The following IMMP2L variants were observed in gnomAD, a reference collection of about 807,000 sequenced individuals.
IMMP2L encodes the protein mitochondrial inner membrane protease subunit 2.
In IMMP2L, 18 loss-of-function variants were observed where a neutral mutation model predicts 19.3. The ratio of observed to expected loss-of-function variants is 0.93; its 90% CI spans 0.64 to 1.38. The LOEUF is 1.38. Ranked by LOEUF, IMMP2L falls within the 40% of genes most tolerant of loss-of-function variation. The probability of loss-of-function intolerance (pLI) is 0.00; values close to 1 mark genes in which losing one functional copy is unlikely to be tolerated. For synonymous variants in IMMP2L, 76 were observed against 73.0 expected (o/e 1.04, Z -0.21); for missense variants, 233 against 218.2 (o/e 1.07, Z -0.43).
Position 111,226,320 on chromosome 7 carries a change from C to G in IMMP2L, c.239+260918G>C, listed in dbSNP as rs555238594. On this transcript the variant is annotated intron_variant, in intron 3 of 5. Transcript: ENST00000405709. ...AGCCATGTGCCACCATGCCCAGCTACATTTTATTTTACTATTTTATTTTTT... is the reference window on the plus strand; with the variant it reads ...AGCCATGTGCCACCATGCCCAGCTAGATTTTATTTTACTATTTTATTTTTT... Among the ~76,000 whole-genome samples the G allele has an allele frequency of 1.6e-4, 24 of 151,774 alleles. No homozygotes were observed. In the South Asian group the frequency reaches 5.0e-3, roughly 32 times the overall value.
intron 3 of IMMP2L, among the ~76,000 whole-genome samples, chr7:110,971,142 T>A (rs1820099033): frequency 6.6e-6 from 1 of 152,094 alleles, no homozygotes; most frequent in South Asian, 2.1e-4. Flanking sequence ...ATATTAGAAG[T>A]ACCTGTAGCC....
rs115348086 is a variant in IMMP2L, at chr7:111,131,322, C to T, written c.240-167757G>A. On this transcript the variant is annotated intron_variant, in intron 3 of 5. Transcript: ENST00000405709. ...TGTGTGCCACAGTCCAGGCTCAGTCCTAAAGTGACAGTGCAACGCTTGAGA... is the reference window on the plus strand; with the variant it reads ...TGTGTGCCACAGTCCAGGCTCAGTCTTAAAGTGACAGTGCAACGCTTGAGA... Among the ~76,000 whole-genome samples, 524 of 151,946 alleles carry T rather than the reference C, an allele frequency of 3.4e-3. 3 individuals are homozygous for T. Among genetic ancestry groups the T allele is most frequent in the African/African-American group, 0.011 (473 of 41,500 alleles).
chr7:111,509,965 T>A (rs1412327956), intron 2 of IMMP2L, among the ~76,000 whole-genome samples: 1 of 152,174 alleles, frequency 6.6e-6, no homozygotes, highest in Non-Finnish European at 1.5e-5. Flanking sequence ...TATGGTCCCC[T>A]TTCTTTTAGA....
At chr7:111,053,632 T>TG (rs1383621726) in intron 3 of IMMP2L, among the ~76,000 whole-genome samples, 2 of 152,142 alleles carry the variant, frequency 1.3e-5, no homozygotes, top group Admixed American at 1.3e-4. Context: ...TTCCTGGTGG[T>TG]GGGGGCTGAG....
intron 4 of IMMP2L, among the ~76,000 whole-genome samples, chr7:110,900,459 T>C (rs1811746790): frequency 6.6e-6 from 1 of 152,200 alleles, no homozygotes; most frequent in African/African-American, 2.4e-5. Context: ...TTCTCCTTCC[T>C]GGACTCTTGC....
chr7:111,332,539 T>C (rs887596425), intron 3 of IMMP2L, among the ~76,000 whole-genome samples: 1 of 151,880 alleles, frequency 6.6e-6, no homozygotes, highest in Non-Finnish European at 1.5e-5. Flanking sequence ...AAACAAAAAC[T>C]ATAAGAGATG....
chr7:111,048,189 G>A (rs1205646062), intron 3 of IMMP2L, among the ~76,000 whole-genome samples: 2 of 127,974 alleles, frequency 1.6e-5, no homozygotes, highest in East Asian at 2.4e-4. Context: ...GCACTGAGCC[G>A]AGATTGAGCC....
At chr7:110,664,360 G>A (rs1343738884) in intron 5 of IMMP2L, among the ~76,000 whole-genome samples, 1 of 152,046 alleles carries the variant, frequency 6.6e-6, no homozygotes. Flanking sequence ...TAGTACTCAT[G>A]GAGAGAGGTG....
chr7:111,028,560 G>A (rs1295644485), intron 3 of IMMP2L, among the ~76,000 whole-genome samples: 2 of 152,082 alleles, frequency 1.3e-5, no homozygotes, highest in East Asian at 1.9e-4. Context: ...TTCTAATGAA[G>A]ATGGTATGAC....
intron 1 of IMMP2L, among the ~76,000 whole-genome samples, chr7:111,542,621 G>A (rs563032910): frequency 2.6e-5 from 4 of 152,210 alleles, no homozygotes; most frequent in African/African-American, 7.2e-5. Flanking sequence ...CACAGGGCAC[G>A]ATGAGTTATT....
intron 4 of IMMP2L, among the ~76,000 whole-genome samples, chr7:110,927,051 T>C (rs978027473): frequency 5.3e-5 from 8 of 152,144 alleles, no homozygotes; most frequent in African/African-American, 1.9e-4. Flanking sequence ...CTGCAGAATG[T>C]TTGGAGGTTG....
intron 1 of IMMP2L, among the ~76,000 whole-genome samples, chr7:111,555,469 A>C (rs1051611951): frequency 8.5e-5 from 13 of 152,120 alleles, no homozygotes; most frequent in Non-Finnish European, 1.3e-4. Context: ...CAAAAAAAAA[A>C]ATATGACAAG....
intron 3 of IMMP2L, among the ~76,000 whole-genome samples, chr7:111,039,967 G>A (rs879786335): frequency 3.3e-5 from 5 of 152,048 alleles, no homozygotes; most frequent in Non-Finnish European, 7.4e-5. Flanking sequence ...GGAGTTCAAG[G>A]CCAGCCTGGC....
At chr7:111,557,938 G>A (rs889169160) in intron 1 of IMMP2L, among the ~76,000 whole-genome samples, 9 of 151,760 alleles carry the variant, frequency 5.9e-5, no homozygotes, top group Admixed American at 2.6e-4. Flanking sequence ...TCTTAAGAAC[G>A]TACAGACATC....
At chr7:111,226,157 T>A (rs919859266) in intron 3 of IMMP2L, among the ~76,000 whole-genome samples, 1 of 151,944 alleles carries the variant, frequency 6.6e-6, no homozygotes, top group African/African-American at 2.4e-5. Context: ...CTCCTTTTTT[T>A]GTTTTGTTTT....
chr7:111,397,872 T>C (rs554529692), intron 3 of IMMP2L, among the ~76,000 whole-genome samples: 25 of 152,094 alleles, frequency 1.6e-4, no homozygotes, highest in Non-Finnish European at 3.4e-4. Flanking sequence ...TTTTGCATAA[T>C]CAAATTTGTT....
chr7:111,381,795 T>C (rs764983458), intron 3 of IMMP2L, among the ~76,000 whole-genome samples: 1 of 151,982 alleles, frequency 6.6e-6, no homozygotes, highest in African/African-American at 2.4e-5. Flanking sequence ...CACATCATTA[T>C]TGCATGCCTA....
At chr7:111,021,818 G>T (rs763412859) in intron 3 of IMMP2L, among the ~76,000 whole-genome samples, 15 of 152,138 alleles carry the variant, frequency 9.9e-5, no homozygotes, top group Non-Finnish European at 1.6e-4. Context: ...AGAAGGCAGA[G>T]GTTGCAGTGA....
At chr7:111,160,010 T>C (rs974797102) in intron 3 of IMMP2L, among the ~76,000 whole-genome samples, 2 of 152,092 alleles carry the variant, frequency 1.3e-5, no homozygotes, top group Non-Finnish European at 2.9e-5. Flanking sequence ...CTTTTGGTTC[T>C]TCACTTACTA....
Sources: gnomAD v4.1 joint callset for allele counts (sites outside exome capture counted in the v4.1 genomes callset) on GRCh38, gnomAD v4.1.1 for gene constraint, MANE v1.5 for transcripts, NCBI Gene and HGNC (gene_info 2026-07-23, HGNC 2026-07-21) for gene names.